Variants in CACNA1I observed in about 807,000 individuals in gnomAD.
CACNA1I encodes the protein voltage-dependent T-type calcium channel subunit alpha-1I.
In CACNA1I, 74 loss-of-function variants were observed where a neutral mutation model predicts 201.6. The ratio of observed to expected loss-of-function variants is 0.37; its 90% confidence interval spans 0.30 to 0.45. The LOEUF (loss-of-function observed/expected upper bound fraction) is 0.45, where lower values mean the gene tolerates loss of function less well. CACNA1I is among the 20% of genes least tolerant of loss of function. CACNA1I has a pLI of 1.00. For missense variants in CACNA1I, 2,346 were observed against 3,138.1 expected (o/e 0.75, Z 6.03); for synonymous variants, 1,431 against 1,345.2 (o/e 1.06, Z -1.40).
chr22:39,581,394 C>T (rs920196988), intron 1 of CACNA1I, among the ~76,000 whole-genome samples: 7 of 152,100 alleles, frequency 4.6e-5, no homozygotes, highest in South Asian at 4.2e-4. Context: ...GAGGGCAGAA[C>T]GGAAGACTGC....
At chr22:39,655,509 C>T (rs997916122) in intron 10 of CACNA1I, among the ~76,000 whole-genome samples, 17 of 152,300 alleles carry the variant, frequency 1.1e-4, no homozygotes, top group South Asian at 1.0e-3. Context: ...GTCTGTCTGC[C>T]TGCTCTTTTT....
Position 39,587,866 on chromosome 22 carries a change from C to T in CACNA1I, c.237-10285C>T, listed in dbSNP as rs1199771471. The stretch of plus-strand genomic sequence containing the variant: ...TCTCGGCTCACTGCAACCTCTGCCT[C>T]CTGGGTTCAAGCAGTTCTCCTGCCT... On this transcript the variant is annotated intron_variant, in intron 1 of 36. Transcript: ENST00000402142. 5 of 334,612 alleles carry T rather than the reference C, an allele frequency of 1.5e-5. No homozygotes were observed. The East Asian group carries it at 5.2e-4, about 35-fold the overall frequency. 20.7% of individuals were successfully genotyped at this position (334,612 alleles called of 1,614,324 possible).
chr22:39,647,750 T>C (rs1934531965), intron 8 of CACNA1I, 72 bp from the exon 9 acceptor site: 2 of 1,081,960 alleles, frequency 1.8e-6, no homozygotes, highest in Non-Finnish European at 2.9e-6. Flanking sequence ...GGCTGCCCTG[T>C]TGGTTGCCTC....
At chr22:39,586,698 G>A (rs1384974240) in intron 1 of CACNA1I, among the ~76,000 whole-genome samples, 1 of 152,102 alleles carries the variant, frequency 6.6e-6, no homozygotes, top group African/African-American at 2.4e-5. Flanking sequence ...CTCTCCTTGG[G>A]AATGCACACA....
At chr22:39,622,440 G>A (rs950436283) in intron 4 of CACNA1I, among the ~76,000 whole-genome samples, 2 of 151,820 alleles carry the variant, frequency 1.3e-5, no homozygotes, top group Non-Finnish European at 1.5e-5. Flanking sequence ...GGAGGGAGCT[G>A]CAGGAGCTGG....
chr22:39,664,368 C>A (rs1161979972), intron 20 of CACNA1I, among the ~76,000 whole-genome samples: 1 of 152,040 alleles, frequency 6.6e-6, no homozygotes, highest in African/African-American at 2.4e-5. Context: ...AGTCACAAAC[C>A]CACCAGACAG....
In CACNA1I at chr22:39,676,858, G is replaced by A. The variant is rs984428376; in HGVS notation, c.4855-483G>A. On this transcript the variant is annotated intron_variant, in intron 29 of 36. Coordinates refer to ENST00000402142, the MANE Select transcript of CACNA1I (RefSeq NM_021096.4). The surrounding 1 kb of genome is among the most constrained non-coding windows in gnomAD (Gnocchi z 4.8). Reference sequence around the variant, plus strand: ...ACCTCCTGCCTTCTCCCTTCCCTTCGTTCATCCATCCATTCAACCTTGGTA... The same window carrying A: ...ACCTCCTGCCTTCTCCCTTCCCTTCATTCATCCATCCATTCAACCTTGGTA... Among the ~76,000 whole-genome samples the A allele has an allele frequency of 2.6e-5, 4 of 152,256 alleles. No homozygotes were observed. The South Asian group carries it at 6.2e-4, about 24-fold the overall frequency.
At chr22:39,620,755 T>C (rs1356946807) in intron 4 of CACNA1I, among the ~76,000 whole-genome samples, 5 of 133,384 alleles carry the variant, frequency 3.7e-5, no homozygotes, top group Non-Finnish European at 1.7e-5. Context: ...TGTTTGTTTG[T>C]TTGTTTGTTT....
rs1935613132 is a variant in CACNA1I at position 39,679,322 on chromosome 22, C to T, written c.5271C>T (p.Gly1757=). ...DAELELEMAH[G]LGPGPRLPTG... ...AGCTCGAGCTGGAGATGGCCCATGG[C>T]CTGGGCCCTGGCCCGAGGCTGCCTA... The change falls in exon 32 of 37, where the codon GGC becomes GGT. Residue 1757 remains glycine (G), a synonymous_variant. Coordinates refer to ENST00000402142, the MANE Select transcript of CACNA1I (RefSeq NM_021096.4). The T allele has an allele frequency of 6.4e-7, 1 of 1,551,860 alleles. No individual in the cohort carries two copies. The highest frequency in any genetic ancestry group is 1.4e-5 in the African/African-American group (1 of 73,150).
At position 39,665,119 on chromosome 22, in the gene CACNA1I, G is replaced by A. The variant is rs143823378; in HGVS notation, c.3851+196G>A. On this transcript the variant is annotated intron_variant, in intron 21 of 36. Transcript: ENST00000402142. The surrounding 1 kb of genome is among the most constrained non-coding windows in gnomAD (Gnocchi z 5.5). ...TGGGGTATGCTGGAAGAGCAGGGCT[G>A]AAGCTGGACCCCAGTATTGCTGCCC... is the stretch of plus-strand genomic sequence containing the variant. Among the ~76,000 whole-genome samples the A allele has an allele frequency of 1.9e-3, 296 of 152,246 alleles. 2 individuals carry two copies. The highest frequency in any genetic ancestry group is 7.0e-3 in the African/African-American group (292 of 41,552).
rs1185368531 is a variant in CACNA1I, at chr22:39,649,248, G to C, written c.1568-253G>C. On this transcript the variant is annotated intron_variant, in intron 9 of 36. Transcript: ENST00000402142. The surrounding 1 kb of genome is among the most constrained non-coding windows in gnomAD (Gnocchi z 7.3). ...CCCTGCACCGTGCTGGGCCCATCAT[G>C]TGCCTTAAGGGAGAGAATCCTCCTA... Among the ~76,000 whole-genome samples the C allele has an allele frequency of 6.6e-6, 1 of 152,208 alleles. No individual in the cohort carries two copies. The highest frequency in any genetic ancestry group is 2.4e-5 in the African/African-American group (1 of 41,456).
chr22:39,669,557 A>G (rs1162888600), intron 24 of CACNA1I, among the ~76,000 whole-genome samples: 1 of 147,428 alleles, frequency 6.8e-6, no homozygotes, highest in Non-Finnish European at 1.5e-5. Flanking sequence ...GGGTGGGTGG[A>G]TGGATGGGTG....
intron 28 of CACNA1I, among the ~76,000 whole-genome samples, chr22:39,673,667 C>A (rs1007943190): frequency 6.6e-6 from 1 of 152,204 alleles, no homozygotes; most frequent in African/African-American, 2.4e-5. Flanking sequence ...GTGCCCGTGA[C>A]AGTTCATGGC....
chr22:39,570,909 G>C lies in CACNA1I; in HGVS notation c.157G>C (p.Asp53His). ...DGADPHVPHP[D>H]LAPIAFFCLR... ...AGCTGATCCTCATGTCCCACACCCA[G>C]ACCTGGCGCCTATTGCCTTCTTCTG... is the stretch of plus-strand genomic sequence containing the variant. Residue 53 changes from aspartate to histidine, a missense_variant, in exon 1 of 37, where the codon GAC becomes CAC. By Grantham distance (81) the Asp-to-His change is moderately conservative. Around this residue, in one of 13 missense-constraint regions of CACNA1I, gnomAD observed 130 missense variants for 160.7 expected, o/e 0.81. Transcript: ENST00000402142. 1 of 1,613,876 alleles carries C rather than the reference G, an allele frequency of 6.2e-7. No homozygotes were observed. The highest frequency in any genetic ancestry group is 8.5e-7 in the Non-Finnish European group (1 of 1,179,882).
At chr22:39,662,695 A>T (rs1190184204) in intron 17 of CACNA1I, 81 bp from the exon 18 acceptor site, 1 of 1,041,498 alleles carries the variant, frequency 9.6e-7, no homozygotes, top group Non-Finnish European at 1.4e-6. Context: ...CTGCGACCCC[A>T]GTTGGCGCGA....
chr22:39,665,708 A>G lies in CACNA1I; in HGVS notation c.3978+84A>G. On this transcript the variant is annotated intron_variant, in intron 22 of 36. Coordinates refer to ENST00000402142, the MANE Select transcript of CACNA1I (RefSeq NM_021096.4). This position sits in a 1 kb window ranked among gnomAD's most constrained non-coding sequence, Gnocchi z 5.5. ...CAGACAGCCAGGGGAGAGACTCCAC[A>G]TTCCAACCTCATGCGCCTTGCCAGC... 1 of 1,567,068 alleles carries G rather than the reference A, an allele frequency of 6.4e-7. No homozygotes were observed. Among genetic ancestry groups the G allele is most frequent in the Non-Finnish European group, 8.7e-7 (1 of 1,147,758 alleles).
chr22:39,646,302 TACTC>T (rs1934483332), intron 7 of CACNA1I, among the ~76,000 whole-genome samples: 1 of 152,062 alleles, frequency 6.6e-6, no homozygotes, highest in Non-Finnish European at 1.5e-5. Flanking sequence ...GAGCCCGTCT[TACTC>T]TCTTTGTCAT....
intron 1 of CACNA1I, among the ~76,000 whole-genome samples, chr22:39,577,981 G>T (rs73169353): frequency 0.011 from 1,609 of 152,370 alleles, 15 homozygotes; most frequent in Non-Finnish European, 0.016. Flanking sequence ...GAATTCTGGG[G>T]CAAGCATGGA....
chr22:39,623,881 G>A (rs1248115693), intron 4 of CACNA1I, among the ~76,000 whole-genome samples: 1 of 147,256 alleles, frequency 6.8e-6, no homozygotes, highest in African/African-American at 2.5e-5. Context: ...GAGGGTGTGT[G>A]TGTGTGAAGT....
Sources: gnomAD v4.1 joint callset for allele counts (sites outside exome capture counted in the v4.1 genomes callset) on GRCh38, gnomAD v4.1.1 for gene constraint, gnomAD v4.1.1 regional missense constraint, Gnocchi (gnomAD v3.1) non-coding constraint, MANE v1.5 for transcripts, NCBI Gene and HGNC (gene_info 2026-07-23, HGNC 2026-07-21) for gene names.